The following ZCCHC24 variants were observed in gnomAD, a reference collection of about 807,000 sequenced individuals.
ZCCHC24 encodes the protein zinc finger CCHC-type containing 24.
ZCCHC24 carries 10 observed loss-of-function variants against 26.2 expected under a neutral mutation model. The observed-to-expected ratio is 0.38, with a 90% CI of 0.24 to 0.65. The LOEUF (loss-of-function observed/expected upper bound fraction) is 0.65, where lower values mean the gene tolerates loss of function less well. Among genes scored for constraint, ZCCHC24 ranks in the 30% least tolerant of loss-of-function variants. ZCCHC24 has a pLI of 0.54. For missense variants in ZCCHC24, 243 were observed against 329.1 expected (o/e 0.74, Z 2.03); for synonymous variants, 144 against 147.1 (o/e 0.98, Z 0.15).
chr10:79,431,170 C>A (rs1035892572), intron 2 of ZCCHC24, among the ~76,000 whole-genome samples: 1 of 152,154 alleles, frequency 6.6e-6, no homozygotes, highest in African/African-American at 2.4e-5. Context: ...GAGCTGGGGG[C>A]CCCTGTGCTG....
chr10:79,405,244 C>T (rs10740500), intron 2 of ZCCHC24, among the ~76,000 whole-genome samples: 14 of 151,992 alleles, frequency 9.2e-5, no homozygotes, highest in African/African-American at 1.5e-4. Flanking sequence ...GAAATTTAAA[C>T]GAAATTCCCC....
At chr10:79,437,343 G>A (rs770212735) in intron 1 of ZCCHC24, among the ~76,000 whole-genome samples, 1 of 152,298 alleles carries the variant, frequency 6.6e-6, no homozygotes, top group Middle Eastern at 3.4e-3. Context: ...ATGAGTCACC[G>A]TGCTCGGCCT....
At chr10:79,424,026 A>C (rs797017160) in intron 2 of ZCCHC24, among the ~76,000 whole-genome samples, 123 of 149,512 alleles carry the variant, frequency 8.2e-4, no homozygotes, top group African/African-American at 2.9e-3. Flanking sequence ...TGAAAAAAAA[A>C]AAAAAAAAAG....
Position 79,439,724 on chromosome 10 carries a change from G to A in ZCCHC24, c.246+5471C>T, listed in dbSNP as rs559008805. The stretch of plus-strand genomic sequence containing the variant: ...GGAGAATCTCTTGAACCTGGGGGGA[G>A]GTGGAGGTTGCAGTGAGCAGAGATT... On this transcript the variant is annotated intron_variant, in intron 1 of 3. Coordinates refer to ENST00000372336, the MANE Select transcript of ZCCHC24 (RefSeq NM_153367.4). 4.0e-5 allele frequency among the ~76,000 whole-genome samples: 6 copies of A among 151,712 alleles called. No individual in the cohort carries two copies. In the East Asian group the frequency reaches 9.7e-4, roughly 25 times the overall value.
intron 3 of ZCCHC24, among the ~76,000 whole-genome samples, chr10:79,387,915 C>T (rs1278103070): frequency 6.6e-6 from 1 of 152,162 alleles, no homozygotes; most frequent in Non-Finnish European, 1.5e-5. Flanking sequence ...CCTGTGCTCC[C>T]AGGCTTAAAG....
intron 2 of ZCCHC24, among the ~76,000 whole-genome samples, chr10:79,407,368 C>T (rs888693604): frequency 7.2e-5 from 11 of 152,242 alleles, no homozygotes; most frequent in Non-Finnish European, 4.4e-5. Context: ...CATTCTGAAG[C>T]CATACGGCTG....
At chr10:79,416,650 C>T (rs1167475205) in intron 2 of ZCCHC24, among the ~76,000 whole-genome samples, 1 of 152,202 alleles carries the variant, frequency 6.6e-6, no homozygotes, top group East Asian at 1.9e-4. Context: ...TTTCTTTCCT[C>T]CTCCACATCC....
In ZCCHC24 at chr10:79,432,640, C is replaced by T. The variant is rs759192287; in HGVS notation, c.365G>A (p.Arg122His). ...FSDLTLTSEA[R>H]KPSKRPPPNY... ...GGGTGGGGGCCGCTTGCTGGGCTTG[C>T]GAGCCTCGGAGGTGAGGGTCAGGTC... Residue 122 changes from arginine (R) to histidine (H), a missense_variant, in exon 2 of 4, where the codon CGC (arginine) becomes CAC (histidine). By Grantham distance (29) the Arg-to-His change is conservative (BLOSUM62 0). Coordinates refer to ENST00000372336, the MANE Select transcript of ZCCHC24 (RefSeq NM_153367.4). 27 of 1,607,780 alleles carry T rather than the reference C, an allele frequency of 1.7e-5. No homozygotes were observed. The highest frequency in any genetic ancestry group is 6.8e-5 in the East Asian group (3 of 44,420).
chr10:79,423,585 A>ATATATATTTTATATATATAC (rs201842826), intron 2 of ZCCHC24, among the ~76,000 whole-genome samples: 1 of 89,436 alleles, frequency 1.1e-5, no homozygotes, highest in Admixed American at 1.3e-4. Context: ...TATATACTAT[A>ATATATATTTTATATATATAC]TATATATATA....
intron 2 of ZCCHC24, among the ~76,000 whole-genome samples, chr10:79,426,391 A>G (rs1663841084): frequency 6.6e-6 from 1 of 152,254 alleles, no homozygotes; most frequent in Admixed American, 6.5e-5. Flanking sequence ...ATAAAGGAGC[A>G]GAAAGAATAT....
At chr10:79,394,557 C>A (rs1856520042) in intron 2 of ZCCHC24, 117 bp from the exon 3 acceptor site, 11 of 1,480,812 alleles carry the variant, frequency 7.4e-6, no homozygotes, top group South Asian at 6.9e-5. Flanking sequence ...GTGCAGGCAC[C>A]TTTTGTCCCC....
At chr10:79,405,247 A>G (rs1458383190) in intron 2 of ZCCHC24, among the ~76,000 whole-genome samples, 1 of 152,150 alleles carries the variant, frequency 6.6e-6, no homozygotes, top group Non-Finnish European at 1.5e-5. Flanking sequence ...ATTTAAACGA[A>G]ATTCCCCTAC....
At chr10:79,389,170 G>A (rs1856438051) in intron 3 of ZCCHC24, among the ~76,000 whole-genome samples, 1 of 152,184 alleles carries the variant, frequency 6.6e-6, no homozygotes, top group Non-Finnish European at 1.5e-5. Flanking sequence ...GCTCTCCCCT[G>A]GGAATTCACT....
At chr10:79,397,881 G>C (rs1404030826) in intron 2 of ZCCHC24, among the ~76,000 whole-genome samples, 1 of 152,174 alleles carries the variant, frequency 6.6e-6, no homozygotes, top group Non-Finnish European at 1.5e-5. Context: ...GGTGGACTCT[G>C]GGAATTTGTT....
At chr10:79,411,827 C>T (rs1471955883) in intron 2 of ZCCHC24, among the ~76,000 whole-genome samples, 1 of 152,196 alleles carries the variant, frequency 6.6e-6, no homozygotes, top group African/African-American at 2.4e-5. Context: ...CCATGCTCAG[C>T]CCCAGGACCC....
At chr10:79,399,866 T>C (rs889139952) in intron 2 of ZCCHC24, among the ~76,000 whole-genome samples, 3 of 152,354 alleles carry the variant, frequency 2.0e-5, no homozygotes, top group African/African-American at 7.2e-5. Flanking sequence ...TTTCTTCCCA[T>C]CCCTGCGTGA....
Position 79,394,268 on chromosome 10 carries a change from C to T in ZCCHC24, c.612+8G>A, listed in dbSNP as rs199967509. ...CCTTCTGAGAAGGCCCCAGCCTGCC[C>T]GGCTCACCTGCTTGTGTGGATACAC... On this transcript the variant is annotated splice_region_variant and intron_variant, in intron 3 of 3. Transcript: ENST00000372336. 18 of 1,611,976 alleles carry T rather than the reference C, an allele frequency of 1.1e-5. No individual in the cohort carries two copies. The highest frequency in any genetic ancestry group is 2.2e-5 in the East Asian group (1 of 44,844).
intron 2 of ZCCHC24, among the ~76,000 whole-genome samples, chr10:79,415,268 C>T (rs753673658): frequency 3.8e-4 from 58 of 152,314 alleles, no homozygotes; most frequent in Non-Finnish European, 6.3e-4. Context: ...GCCCCAGGCA[C>T]AGGGAATCAG....
At chr10:79,390,976 G>C (rs561686856) in intron 3 of ZCCHC24, among the ~76,000 whole-genome samples, 1 of 152,178 alleles carries the variant, frequency 6.6e-6, no homozygotes, top group Non-Finnish European at 1.5e-5. Flanking sequence ...GGGATAGAGA[G>C]GCACCACTCT....
Sources: allele counts gnomAD v4.1 joint callset (sites outside exome capture counted in the v4.1 genomes callset), GRCh38; gene constraint gnomAD v4.1.1; transcripts MANE v1.5; gene names NCBI Gene and HGNC (gene_info 2026-07-23, HGNC 2026-07-21).